The following FHIT variants were observed in gnomAD, a reference collection of about 807,000 sequenced individuals.
FHIT encodes the protein bis(5'-adenosyl)-triphosphatase.
A neutral mutation model predicts 17.9 loss-of-function variants in FHIT; 19 were observed. That is an observed-to-expected ratio of 1.06 (90% CI 0.74 to 1.56). The LOEUF (loss-of-function observed/expected upper bound fraction) is 1.56, where lower values mean the gene tolerates loss of function less well. Among genes scored for constraint, FHIT ranks in the 40% most tolerant of loss-of-function variants. The pLI, the probability that FHIT is intolerant of heterozygous loss-of-function variation, is 0.00. For synonymous variants in FHIT, 81 were observed against 69.7 expected (o/e 1.16, Z -0.81); for missense variants, 248 against 189.2 (o/e 1.31, Z -1.82).
intron 5 of FHIT, among the ~76,000 whole-genome samples, chr3:60,146,793 A>G (rs576078466): frequency 6.6e-6 from 1 of 152,290 alleles, no homozygotes; most frequent in Admixed American, 6.5e-5. Context: ...TGGGTGTGTA[A>G]AGCAGCTAAA....
intron 8 of FHIT, among the ~76,000 whole-genome samples, chr3:59,762,351 A>G (rs1377785205): frequency 6.6e-6 from 1 of 152,218 alleles, no homozygotes; most frequent in African/African-American, 2.4e-5. Context: ...TTCAATAAGC[A>G]TTGGTCAAAT....
intron 5 of FHIT, among the ~76,000 whole-genome samples, chr3:60,081,670 C>A (rs17062113): frequency 0.016 from 2,461 of 152,122 alleles, 55 homozygotes; most frequent in African/African-American, 0.056. Flanking sequence ...TTTAATTATG[C>A]TGCGGTTTAT....
chr3:60,739,501 G>T (rs868936907), intron 4 of FHIT, among the ~76,000 whole-genome samples: 1 of 152,144 alleles, frequency 6.6e-6, no homozygotes, highest in African/African-American at 2.4e-5. Flanking sequence ...CACCCCTGTC[G>T]CATGCCCCAT....
intron 3 of FHIT, among the ~76,000 whole-genome samples, chr3:60,966,134 A>G (rs1207379969): frequency 6.6e-6 from 1 of 152,094 alleles, no homozygotes; most frequent in Non-Finnish European, 1.5e-5. Context: ...AAGCCTCAGC[A>G]ATTGCGGACA....
chr3:60,299,096 A>C (rs1708337809), intron 5 of FHIT, among the ~76,000 whole-genome samples: 1 of 152,140 alleles, frequency 6.6e-6, no homozygotes, highest in Non-Finnish European at 1.5e-5. Context: ...CCTCAACAGC[A>C]CCAAATTGGG....
intron 5 of FHIT, among the ~76,000 whole-genome samples, chr3:60,312,738 C>A (rs1709002332): frequency 6.6e-6 from 1 of 152,086 alleles, no homozygotes; most frequent in East Asian, 1.9e-4. Flanking sequence ...TTATTTTTAA[C>A]AACGCCTCCC....
At chr3:60,254,984 C>T (rs1012055270) in intron 5 of FHIT, among the ~76,000 whole-genome samples, 1 of 152,100 alleles carries the variant, frequency 6.6e-6, no homozygotes, top group Admixed American at 6.5e-5. Context: ...CATATTTTTT[C>T]ATTATCTGAG....
rs568487370 is a variant in FHIT, at chr3:60,957,427, T to C, written c.-111+84620A>G. On this transcript the variant is annotated intron_variant, in intron 3 of 9. Transcript: ENST00000492590. The stretch of plus-strand genomic sequence containing the variant: ...TAATTTATTGTAGTTTTAGTAGAGA[T>C]GGGGTTTCACCGTGTTAGCCACGAT... 2.5e-4 allele frequency among the ~76,000 whole-genome samples: 38 copies of C among 152,070 alleles called. 1 individual carries two copies. The highest frequency in any genetic ancestry group is 4.4e-4 in the Non-Finnish European group (30 of 67,960).
intron 8 of FHIT, among the ~76,000 whole-genome samples, chr3:59,864,606 C>T (rs1448733240): frequency 4.0e-5 from 6 of 151,384 alleles, no homozygotes; most frequent in East Asian, 1.9e-4. Flanking sequence ...GTATACAACC[C>T]GCAGCCCTAT....
chr3:60,017,775 G>C (rs2106716906), intron 5 of FHIT, among the ~76,000 whole-genome samples: 1 of 152,240 alleles, frequency 6.6e-6, no homozygotes, highest in Non-Finnish European at 1.5e-5. Flanking sequence ...GCCCTATGCT[G>C]AACTCTTGCT....
intron 5 of FHIT, among the ~76,000 whole-genome samples, chr3:60,278,201 C>T (rs1707254927): frequency 6.6e-6 from 1 of 152,108 alleles, no homozygotes; most frequent in Admixed American, 6.6e-5. Context: ...AGTTTTATGT[C>T]CAAGAACCCT....
chr3:60,744,263 C>CAAAAAAATAAAAAAAAAAAAAAAAA (rs1201886354), intron 4 of FHIT, among the ~76,000 whole-genome samples: 1 of 85,986 alleles, frequency 1.2e-5, no homozygotes, highest in Non-Finnish European at 2.3e-5. Flanking sequence ...AAAAACAAAA[C>CAAAAAAATAAAAAAAAAAAAAAAAA]AAAACAAAAA....
At chr3:61,014,807 A>ATATAT (rs1482200671) in intron 3 of FHIT, among the ~76,000 whole-genome samples, 11 of 49,048 alleles carry the variant, frequency 2.2e-4, no homozygotes, top group African/African-American at 5.9e-4. Context: ...AAAAAAAAAA[A>ATATAT]ATATATATAT....
At chr3:60,946,476 T>C (rs556270148) in intron 3 of FHIT, among the ~76,000 whole-genome samples, 4 of 152,090 alleles carry the variant, frequency 2.6e-5, no homozygotes, top group Non-Finnish European at 4.4e-5. Flanking sequence ...TTGTGAACCA[T>C]TGGCCTGGGG....
At chr3:60,729,758 A>T (rs1197814860) in intron 4 of FHIT, among the ~76,000 whole-genome samples, 11 of 149,498 alleles carry the variant, frequency 7.4e-5, no homozygotes, top group South Asian at 4.2e-4. Context: ...AGATTTTAAA[A>T]ATATATATAT....
chr3:61,114,561 G>C (rs12491629), intron 2 of FHIT, among the ~76,000 whole-genome samples: 15,319 of 151,816 alleles, frequency 0.1, 813 homozygotes, highest in South Asian at 0.19. Context: ...CTGGCACAGA[G>C]GGGAAAAAAA....
intron 3 of FHIT, among the ~76,000 whole-genome samples, chr3:60,851,621 T>A (rs1372864716): frequency 6.6e-6 from 1 of 152,154 alleles, no homozygotes; most frequent in African/African-American, 2.4e-5. Context: ...TGCAACTCAA[T>A]TATATTTAAG....
chr3:61,214,588 A>G (rs2106787305), intron 1 of FHIT, among the ~76,000 whole-genome samples: 1 of 152,112 alleles, frequency 6.6e-6, no homozygotes, highest in Admixed American at 6.5e-5. Context: ...ACAAGGAGGA[A>G]CTGGTACCAT....
rs1559862352 is a variant in FHIT at position 60,955,615 on chromosome 3, T to TATACATATATATATAC, written c.-111+86431_-111+86432insGTATATATATATGTAT. Among the ~76,000 whole-genome samples, 21 of 12,400 alleles carry TATACATATATATATAC rather than the reference T, an allele frequency of 1.7e-3. 2 individuals are homozygous for TATACATATATATATAC. The highest frequency in any genetic ancestry group is 3.9e-3 in the Admixed American group (2 of 518). The allele number at this position is 12,400 out of a possible 152,430, so 8.1% of individuals were successfully genotyped here. Reference sequence around the variant, plus strand: ...ATATATACATATATATATATATATATATATATATATATATATATACACACA... The same window carrying TATACATATATATATAC: ...ATATATACATATATATATATATATATATACATATATATATACATATATATATATATATATACACACA... On this transcript the variant is annotated intron_variant, in intron 3 of 9. Coordinates refer to ENST00000492590, the MANE Select transcript of FHIT (RefSeq NM_002012.4).
Sources: allele counts gnomAD v4.1 joint callset (sites outside exome capture counted in the v4.1 genomes callset), GRCh38; gene constraint gnomAD v4.1.1; transcripts MANE v1.5; gene names NCBI Gene and HGNC (gene_info 2026-07-23, HGNC 2026-07-21).